Variants in YIPF4 observed in about 807,000 individuals in gnomAD.
YIPF4 encodes the protein Yip1 domain family member 4.
YIPF4 carries 18 observed loss-of-function variants against 29.4 expected under a neutral mutation model. The observed-to-expected ratio is 0.61, with a 90% CI of 0.42 to 0.91. The LOEUF is 0.91. Ranked by LOEUF, YIPF4 falls within the 40% of genes least tolerant of loss-of-function variation. The probability of loss-of-function intolerance (pLI) is 0.00; values close to 1 mark genes in which losing one functional copy is unlikely to be tolerated. For missense variants in YIPF4, 279 were observed against 282.7 expected (o/e 0.99, Z 0.09); for synonymous variants, 115 against 104.7 (o/e 1.10, Z -0.60).
chr2:32,295,235 A>G (rs1255177905), intron 3 of YIPF4, among the ~76,000 whole-genome samples: 1 of 152,186 alleles, frequency 6.6e-6, no homozygotes, highest in East Asian at 1.9e-4. Flanking sequence ...AACACAACAT[A>G]TATACATCAC....
chr2:32,289,912 G>C (rs757971760), intron 1 of YIPF4, among the ~76,000 whole-genome samples: 5 of 152,224 alleles, frequency 3.3e-5, no homozygotes, highest in Middle Eastern at 3.4e-3. Flanking sequence ...TTACTCATCA[G>C]ACTTATCAAG....
chr2:32,304,954 T>C (rs2031525808), intron 5 of YIPF4, among the ~76,000 whole-genome samples: 1 of 152,116 alleles, frequency 6.6e-6, no homozygotes, highest in African/African-American at 2.4e-5. Flanking sequence ...TGCCTATTCC[T>C]GGGAAAAAAC....
rs1400800273 is a variant in YIPF4, at chr2:32,291,437, G to A, written c.234-740G>A. On this transcript the variant is annotated intron_variant, in intron 2 of 5. Coordinates refer to ENST00000238831, the MANE Select transcript of YIPF4 (RefSeq NM_032312.4). The stretch of plus-strand genomic sequence containing the variant: ...CAGGGGCCTGTAGTCCCAGCTGCTC[G>A]GGTGGCTGAGGCATGAGAATCGCTT... Among the ~76,000 whole-genome samples, 7 of 152,234 alleles carry A rather than the reference G, an allele frequency of 4.6e-5. No individual in the cohort carries two copies. The South Asian group carries it at 6.2e-4, about 14-fold the overall frequency.
In YIPF4 at chr2:32,305,718, C is replaced by A; in HGVS notation, c.*92C>A. The stretch of plus-strand genomic sequence containing the variant: ...AGGAATTGGAGAAAACCTGTTGCTG[C>A]AAAATTTTACATGTTCCAGATGGAA... On this transcript the variant is annotated 3_prime_UTR_variant, in exon 6 of 6. Coordinates refer to ENST00000238831, the MANE Select transcript of YIPF4 (RefSeq NM_032312.4). 1 of 1,309,890 alleles carries A rather than the reference C, an allele frequency of 7.6e-7. No homozygotes were observed. 81.1% of individuals were successfully genotyped at this position (1,309,890 alleles called of 1,614,324 possible). A position where few individuals can be genotyped will look rare whatever the true frequency, so the allele number is the denominator to read the frequency against.
intron 5 of YIPF4, among the ~76,000 whole-genome samples, chr2:32,302,037 T>TC (rs1307869669): frequency 6.6e-6 from 1 of 150,528 alleles, no homozygotes; most frequent in African/African-American, 2.4e-5. Flanking sequence ...TTCTTTCTTT[T>TC]TTTTTTTTTT....
chr2:32,283,558 C>T (rs2030527440), intron 1 of YIPF4, among the ~76,000 whole-genome samples: 1 of 152,136 alleles, frequency 6.6e-6, no homozygotes, highest in African/African-American at 2.4e-5. Flanking sequence ...TAAGACTGAA[C>T]TCAAATGCTC....
At chr2:32,297,633 A>G (rs2031247563) in intron 3 of YIPF4, among the ~76,000 whole-genome samples, 1 of 152,032 alleles carries the variant, frequency 6.6e-6, no homozygotes, top group Non-Finnish European at 1.5e-5. Flanking sequence ...ACCAAATAAC[A>G]TAGCAAGACC....
intron 3 of YIPF4, among the ~76,000 whole-genome samples, chr2:32,296,206 G>A (rs1256244680): frequency 1.3e-5 from 2 of 151,978 alleles, no homozygotes; most frequent in African/African-American, 2.4e-5. Flanking sequence ...AGAAGATTAC[G>A]GCTGGGCGCA....
At chr2:32,284,179 C>T (rs536536640) in intron 1 of YIPF4, among the ~76,000 whole-genome samples, 3 of 152,194 alleles carry the variant, frequency 2.0e-5, no homozygotes, top group Non-Finnish European at 2.9e-5. Flanking sequence ...CACCAAAAAT[C>T]CCAAATAGTC....
Position 32,290,340 on chromosome 2 carries a change from A to G in YIPF4, c.80-143A>G, listed in dbSNP as rs148128126. 5.8e-3 allele frequency: 2,758 copies of G among 477,626 alleles called. 17 individuals carry two copies. Among genetic ancestry groups the G allele is most frequent in the Non-Finnish European group, 7.9e-3 (2,348 of 298,708 alleles). 29.6% of individuals were successfully genotyped at this position (477,626 alleles called of 1,614,324 possible). ...GATGGTTTTTAGATGTCTGTCAACTATAAAATTTGAAGATTATATGCAATA... is the reference window on the plus strand; with the variant it reads ...GATGGTTTTTAGATGTCTGTCAACTGTAAAATTTGAAGATTATATGCAATA... On this transcript the variant is annotated intron_variant, in intron 1 of 5. Transcript: ENST00000238831.
intron 4 of YIPF4, among the ~76,000 whole-genome samples, chr2:32,298,662 G>A (rs1013536615): frequency 6.6e-6 from 1 of 152,008 alleles, no homozygotes; most frequent in Non-Finnish European, 1.5e-5. Flanking sequence ...CCAGGTTCCC[G>A]ATTGTCCTGC....
chr2:32,298,409 TCCC>T, intron 4 of YIPF4, 98 bp downstream of exon 4: 2 of 869,866 alleles, frequency 2.3e-6, no homozygotes, highest in Non-Finnish European at 3.6e-6. Flanking sequence ...AACTTTCTTG[TCCC>T]AGAATTGCTT....
At chr2:32,297,926 T>C (rs1422487095) in intron 3 of YIPF4, among the ~76,000 whole-genome samples, 1 of 152,156 alleles carries the variant, frequency 6.6e-6, no homozygotes, top group Non-Finnish European at 1.5e-5. Context: ...ATTTTTCTTC[T>C]GGGATGCTGT....
chr2:32,278,572 A>G (rs1457833054), intron 1 of YIPF4, among the ~76,000 whole-genome samples: 1 of 152,192 alleles, frequency 6.6e-6, no homozygotes, highest in Non-Finnish European at 1.5e-5. Flanking sequence ...ACTCAGAAAA[A>G]GGACAGATTG....
intron 5 of YIPF4, among the ~76,000 whole-genome samples, chr2:32,302,033 CTTT>C (rs753050630): frequency 5.2e-5 from 7 of 134,368 alleles, no homozygotes; most frequent in Non-Finnish European, 3.2e-5. Context: ...TTCTTTCTTT[CTTT>C]TTTTTTTTTT....
rs200229465 is a variant in YIPF4, at chr2:32,309,681, C to CTTTTTTTTTTTTTTTTTTTTTTTTTTTT, written c.*4080_*4081insTTTTTTTTTTTTTTTTTTTTTTTTTTTT. The CTTTTTTTTTTTTTTTTTTTTTTTTTTTT allele has an allele frequency of 8.6e-6, 1 of 116,268 alleles. No individual in the cohort carries two copies. The highest frequency in any genetic ancestry group is 1.7e-5 in the Non-Finnish European group (1 of 58,380). The allele number at this position is 116,268 out of a possible 1,614,324, so 7.2% of individuals were successfully genotyped here. A position where few individuals can be genotyped will look rare whatever the true frequency, so the allele number is the denominator to read the frequency against. ...TTTTAGGCTTTAGGGAATTGTGACC[C>CTTTTTTTTTTTTTTTTTTTTTTTTTTTT]TTTTTTTTTTTTTTTTTTTTTTTTT... On this transcript the variant is annotated 3_prime_UTR_variant, in exon 6 of 6. Transcript: ENST00000238831.
Position 32,315,554 on chromosome 2 carries a change from C to G in YIPF4, c.*9928C>G, listed in dbSNP as rs1355618985. On this transcript the variant is annotated 3_prime_UTR_variant, in exon 6 of 6. Transcript: ENST00000238831. The stretch of plus-strand genomic sequence containing the variant: ...CCTGAGGTCAGGAGATCGAGACCAT[C>G]CTGGTTAACGTGGTGAAACCCCGTC... The G allele has an allele frequency of 1.3e-5, 2 of 152,112 alleles. No individual in the cohort carries two copies. The highest frequency in any genetic ancestry group is 4.8e-5 in the African/African-American group (2 of 41,372). 9.4% of individuals were successfully genotyped at this position (152,112 alleles called of 1,614,324 possible). A position where few individuals can be genotyped will look rare whatever the true frequency, so the allele number is the denominator to read the frequency against.
intron 2 of YIPF4, among the ~76,000 whole-genome samples, chr2:32,291,399 C>T (rs573265471): frequency 6.6e-6 from 1 of 152,062 alleles, no homozygotes; most frequent in Non-Finnish European, 1.5e-5. Flanking sequence ...AAAAAATTAG[C>T]CGGGCGTGGT....
At chr2:32,294,333 G>A (rs551703033) in intron 3 of YIPF4, among the ~76,000 whole-genome samples, 48 of 150,800 alleles carry the variant, frequency 3.2e-4, no homozygotes, top group African/African-American at 9.3e-4. Context: ...GGGCGGACGG[G>A]CTCCTCACTT....
Sources: gnomAD v4.1 joint callset for allele counts (sites outside exome capture counted in the v4.1 genomes callset) on GRCh38, gnomAD v4.1.1 for gene constraint, MANE v1.5 for transcripts, NCBI Gene and HGNC (gene_info 2026-07-23, HGNC 2026-07-21) for gene names.